Variants in DLGAP1 observed in about 807,000 individuals in gnomAD.
DLGAP1 encodes the protein DLG associated protein 1, also known as disks large-associated protein 1.
In DLGAP1, 11 loss-of-function variants were observed where a neutral mutation model predicts 90.8. The ratio of observed to expected loss-of-function variants is 0.12; its 90% CI spans 0.08 to 0.20. DLGAP1 has a LOEUF of 0.20. DLGAP1 is among the 10% of genes least tolerant of loss of function. The probability of loss-of-function intolerance (pLI) is 1.00; values close to 1 mark genes in which losing one functional copy is unlikely to be tolerated. For synonymous variants in DLGAP1, 558 were observed against 540.7 expected (o/e 1.03, Z -0.44); for missense variants, 1,050 against 1,333.8 (o/e 0.79, Z 3.31).
At chr18:4,149,780 C>T (rs764535258) in intron 2 of DLGAP1, among the ~76,000 whole-genome samples, 9 of 152,296 alleles carry the variant, frequency 5.9e-5, no homozygotes, top group South Asian at 2.1e-4. Context: ...AGTTTTATCC[C>T]GAAACCATCT....
At chr18:4,318,511 T>G (rs2080590752) in intron 1 of DLGAP1, among the ~76,000 whole-genome samples, 1 of 152,202 alleles carries the variant, frequency 6.6e-6, no homozygotes, top group African/African-American at 2.4e-5. Context: ...GTGGACCTGC[T>G]TGGAATTCCT....
chr18:4,240,047 G>C (rs1209488276), intron 1 of DLGAP1, among the ~76,000 whole-genome samples: 1 of 151,866 alleles, frequency 6.6e-6, no homozygotes, highest in African/African-American at 2.4e-5. Flanking sequence ...CATTTCCTTT[G>C]TCTTGTAATT....
At chr18:4,411,339 A>G (rs984498289) in intron 1 of DLGAP1, among the ~76,000 whole-genome samples, 2 of 152,122 alleles carry the variant, frequency 1.3e-5, no homozygotes, top group Non-Finnish European at 2.9e-5. Context: ...AGTTATTAAA[A>G]CTTTTAATGG....
intron 1 of DLGAP1, among the ~76,000 whole-genome samples, chr18:4,199,351 T>A (rs1568447000): frequency 6.6e-6 from 1 of 152,220 alleles, no homozygotes; most frequent in Admixed American, 6.5e-5. Flanking sequence ...AATTTTAGTA[T>A]GCCTTTAAAA....
chr18:4,255,667 T>C (rs896903438), intron 1 of DLGAP1, among the ~76,000 whole-genome samples: 6 of 152,086 alleles, frequency 3.9e-5, no homozygotes, highest in Non-Finnish European at 8.8e-5. Flanking sequence ...ATCTGGGCTA[T>C]TGCTTAGAAA....
At chr18:4,158,742 C>A (rs2076797489) in intron 1 of DLGAP1, among the ~76,000 whole-genome samples, 1 of 152,098 alleles carries the variant, frequency 6.6e-6, no homozygotes, top group Non-Finnish European at 1.5e-5. Flanking sequence ...TTTTAATATT[C>A]CATTTGAAAT....
chr18:3,597,158 CTGTCTGTT>C (rs755302643), intron 7 of DLGAP1: 5 of 404,322 alleles, frequency 1.2e-5, no homozygotes, highest in Non-Finnish European at 2.5e-5. Flanking sequence ...TTTCTGTACT[CTGTCTGTT>C]TGCACACAGA....
rs564423552 is a variant in DLGAP1, at chr18:4,195,944, A to T, written c.-266-44657T>A. ...GATAAACCTTAGGAATAAGAAAAAC[A>T]GGGCACAGATAATCCAGTCTGCTGT... is the stretch of plus-strand genomic sequence containing the variant. On this transcript the variant is annotated intron_variant, in intron 1 of 12. Coordinates refer to ENST00000315677, the MANE Select transcript of DLGAP1 (RefSeq NM_004746.4). 4.6e-5 allele frequency among the ~76,000 whole-genome samples: 7 copies of T among 152,326 alleles called. No individual in the cohort carries two copies. In the South Asian group the frequency reaches 1.4e-3, roughly 32 times the overall value.
chr18:4,280,094 G>T (rs923273045), intron 1 of DLGAP1, among the ~76,000 whole-genome samples: 2 of 151,926 alleles, frequency 1.3e-5, no homozygotes, highest in Non-Finnish European at 2.9e-5. Context: ...CATACTGGCT[G>T]TTGGTTGCTA....
intron 7 of DLGAP1, among the ~76,000 whole-genome samples, chr18:3,634,493 ATTCTC>A (rs1205338325): frequency 6.6e-6 from 1 of 151,970 alleles, no homozygotes; most frequent in Non-Finnish European, 1.5e-5. Context: ...CTTGCTTTTG[ATTCTC>A]TTCTTCAAGT....
chr18:3,982,271 T>C (rs9953907), intron 3 of DLGAP1, among the ~76,000 whole-genome samples: 57,901 of 151,920 alleles, frequency 0.38, 11,312 homozygotes, highest in Non-Finnish European at 0.42. Context: ...GTCATTAAAA[T>C]GTTTATCTCT....
intron 1 of DLGAP1, among the ~76,000 whole-genome samples, chr18:4,418,851 C>T (rs1262594007): frequency 2.5e-5 from 1 of 40,382 alleles, no homozygotes; most frequent in Non-Finnish European, 5.7e-5. Context: ...AACTACAGAG[C>T]CAAAAACAAA....
chr18:3,984,947 C>T (rs1037371797), intron 3 of DLGAP1, among the ~76,000 whole-genome samples: 2 of 152,156 alleles, frequency 1.3e-5, no homozygotes, highest in Non-Finnish European at 2.9e-5. Flanking sequence ...CCCATCCCAA[C>T]CATGCCTTGT....
chr18:4,387,025 AT>A (rs571078766), intron 1 of DLGAP1, among the ~76,000 whole-genome samples: 99 of 152,290 alleles, frequency 6.5e-4, no homozygotes, highest in African/African-American at 2.2e-3. Context: ...ATGAAACAAG[AT>A]TTAAGTTAGT....
chr18:4,061,011 G>C lies in DLGAP1; in HGVS notation c.-158-55810C>G, dbSNP rs541122957. On this transcript the variant is annotated intron_variant, in intron 2 of 12. Coordinates refer to ENST00000315677, the MANE Select transcript of DLGAP1 (RefSeq NM_004746.4). Reference sequence around the variant, plus strand: ...ACTTGCCTTCTTTAAACCTCGGTAAGGCCTGGGGACATATAAAGCTAGCCA... The same window carrying C: ...ACTTGCCTTCTTTAAACCTCGGTAACGCCTGGGGACATATAAAGCTAGCCA... 2.2e-4 allele frequency among the ~76,000 whole-genome samples: 33 copies of C among 152,266 alleles called. 1 individual carries two copies. The East Asian group carries it at 5.6e-3, about 26-fold the overall frequency.
intron 1 of DLGAP1, among the ~76,000 whole-genome samples, chr18:4,198,222 A>T (rs1445799766): frequency 1.3e-5 from 2 of 152,168 alleles, no homozygotes; most frequent in Non-Finnish European, 2.9e-5. Context: ...CTCTGTCTCA[A>T]AAAATAAATA....
intron 4 of DLGAP1, among the ~76,000 whole-genome samples, chr18:3,832,925 T>C (rs776005508): frequency 2.6e-5 from 4 of 152,158 alleles, no homozygotes; most frequent in Non-Finnish European, 5.9e-5. Flanking sequence ...CACTTGTCTG[T>C]CAACTTTCCT....
rs1328743176 is a variant in DLGAP1, at chr18:3,879,227, G to T, written c.842C>A (p.Ser281Tyr). The change falls in exon 4 of 13, where the codon TCC becomes TAC. Residue 281 changes from serine to tyrosine, a missense_variant. This residue lies in a region of DLGAP1 where 485 missense variants were observed against 454.1 expected (regional missense o/e 1.07). Coordinates refer to ENST00000315677, the MANE Select transcript of DLGAP1 (RefSeq NM_004746.4). This position sits in a 1 kb window ranked among gnomAD's most constrained non-coding sequence, Gnocchi z 6.6. ...CCGGGCCCGGCTCACGGTGAGCGTG[G>T]AGGACCAGGCGCTCTTCTTCAGCAG... is the stretch of plus-strand genomic sequence containing the variant. ...TPLLKKSAWS[S>Y]TLTVSRAREV... 6.3e-7 allele frequency: 1 copy of T among 1,589,266 alleles called. No individual in the cohort carries two copies. Among genetic ancestry groups the T allele is most frequent in the Non-Finnish European group, 8.6e-7 (1 of 1,167,334 alleles).
chr18:3,684,863 G>C (rs2060642261), intron 7 of DLGAP1, among the ~76,000 whole-genome samples: 1 of 152,194 alleles, frequency 6.6e-6, no homozygotes, highest in Non-Finnish European at 1.5e-5. Flanking sequence ...AGGAGGGAAG[G>C]CAGCATAGTT....
Sources: allele counts gnomAD v4.1 joint callset (sites outside exome capture counted in the v4.1 genomes callset), GRCh38; gene constraint gnomAD v4.1.1; regional missense constraint gnomAD v4.1.1; non-coding constraint Gnocchi (gnomAD v3.1); transcripts MANE v1.5; gene names NCBI Gene and HGNC (gene_info 2026-07-23, HGNC 2026-07-21).